The following QTMAN variants were observed in gnomAD, a reference collection of about 807,000 sequenced individuals.
The protein encoded by QTMAN is queuosine-tRNA mannosyltransferase.
At chr2:144,121,536 A>G in the QTMAN span, among the ~76,000 whole-genome samples, 28 of 152,254 alleles carry the variant, frequency 1.8e-4, no homozygotes, top group Non-Finnish European at 3.7e-4. Context: ...TCTACCATAC[A>G]CTACCCTCTG....
chr2:144,319,647 A>G, the QTMAN span: 3 of 152,112 alleles, frequency 2.0e-5, no homozygotes, highest in South Asian at 6.2e-4. Context: ...CCAGTCATCC[A>G]AAGAATATGC....
the QTMAN span, chr2:144,128,131 T>C: frequency 2.0e-5 from 3 of 152,050 alleles, no homozygotes; most frequent in Non-Finnish European, 2.9e-5. Flanking sequence ...ATAAATAATT[T>C]ATATAAAACT....
chr2:144,237,473 T>C, the QTMAN span: 1 of 152,162 alleles, frequency 6.6e-6, no homozygotes, highest in Non-Finnish European at 1.5e-5. Context: ...TTGTAGAATA[T>C]AAACCTGACA....
the QTMAN span, among the ~76,000 whole-genome samples, chr2:143,997,769 A>T: frequency 1.6e-3 from 249 of 152,178 alleles, no homozygotes; most frequent in African/African-American, 5.8e-3. Context: ...AGATTTTTTT[A>T]AACCTAGGAA....
the QTMAN span, among the ~76,000 whole-genome samples, chr2:144,326,628 C>T: frequency 2.8e-4 from 42 of 150,198 alleles, no homozygotes; most frequent in Admixed American, 1.4e-3. Context: ...CCAGTACTAA[C>T]GATGGCAATG....
the QTMAN span, chr2:144,332,464 C>T: frequency 6.8e-6 from 1 of 147,996 alleles, no homozygotes; most frequent in African/African-American, 2.4e-5. Flanking sequence ...CTCCTTGTCT[C>T]TCCCTCCTGG....
chr2:143,980,142 A>G, the QTMAN span, among the ~76,000 whole-genome samples: 1 of 152,138 alleles, frequency 6.6e-6, no homozygotes, highest in East Asian at 1.9e-4. Flanking sequence ...CTAGGTATTA[A>G]TCCCGGCATC....
the QTMAN span, among the ~76,000 whole-genome samples, chr2:144,214,249 C>CA: frequency 6.6e-6 from 1 of 152,034 alleles, no homozygotes; most frequent in African/African-American, 2.4e-5. Flanking sequence ...ATATATTCTA[C>CA]AAAAAAGTTA....
At chr2:144,261,453 G>A in the QTMAN span, among the ~76,000 whole-genome samples, 1 of 152,044 alleles carries the variant, frequency 6.6e-6, no homozygotes, top group African/African-American at 2.4e-5. Context: ...CTCTGAAATG[G>A]GGGAAAGCCC....
chr2:144,280,386 A>C, the QTMAN span, among the ~76,000 whole-genome samples: 1 of 152,232 alleles, frequency 6.6e-6, no homozygotes, highest in African/African-American at 2.4e-5. Context: ...TCCTAAAGCC[A>C]AAACACCACC....
At chr2:144,091,056 A>C in the QTMAN span, among the ~76,000 whole-genome samples, 1 of 151,994 alleles carries the variant, frequency 6.6e-6, no homozygotes, top group Non-Finnish European at 1.5e-5. Context: ...CACACACTCC[A>C]TTGATTTTCA....
chr2:143,966,880 C>T, the QTMAN span, among the ~76,000 whole-genome samples: 1 of 152,206 alleles, frequency 6.6e-6, no homozygotes, highest in Non-Finnish European at 1.5e-5. Context: ...TCAGAAAGGG[C>T]AGTAAAACTT....
chr2:144,237,808 T>C, the QTMAN span, among the ~76,000 whole-genome samples: 2 of 152,168 alleles, frequency 1.3e-5, no homozygotes, highest in Admixed American at 1.3e-4. Flanking sequence ...TGACAGTGTC[T>C]GTCCTAAAAG....
At chr2:143,987,173 C>T in the QTMAN span, among the ~76,000 whole-genome samples, 2 of 152,160 alleles carry the variant, frequency 1.3e-5, no homozygotes. Context: ...AGAGCTCTTT[C>T]TATGACCTCA....
At chr2:144,040,319 G>T in the QTMAN span, among the ~76,000 whole-genome samples, 1 of 151,932 alleles carries the variant, frequency 6.6e-6, no homozygotes, top group Admixed American at 6.6e-5. Flanking sequence ...GTACCCTCAT[G>T]ATTGTCTTAC....
the QTMAN span, among the ~76,000 whole-genome samples, chr2:144,213,522 A>G: frequency 6.6e-6 from 1 of 152,192 alleles, no homozygotes; most frequent in Non-Finnish European, 1.5e-5. Flanking sequence ...CCAAACACCC[A>G]GTAATAATTT....
chr2:144,206,106 A>G, the QTMAN span, among the ~76,000 whole-genome samples: 4 of 152,346 alleles, frequency 2.6e-5, no homozygotes, highest in East Asian at 7.7e-4. Context: ...TCAGAGAGTA[A>G]GCTTATAATA....
At chr2:144,095,415 G>A in the QTMAN span, among the ~76,000 whole-genome samples, 1 of 152,054 alleles carries the variant, frequency 6.6e-6, no homozygotes, top group Non-Finnish European at 1.5e-5. Flanking sequence ...CACACTCTAA[G>A]TCATTCTAAT....
chr2:144,015,550 GT>G, the QTMAN span, among the ~76,000 whole-genome samples: 2 of 151,884 alleles, frequency 1.3e-5, no homozygotes, highest in African/African-American at 2.4e-5. Context: ...TGGGCTCTCT[GT>G]TATTGGTCTT....
Sources: gnomAD v4.1 joint callset for allele counts (sites outside exome capture counted in the v4.1 genomes callset) on GRCh38, gnomAD v4.1.1 for gene constraint, MANE v1.5 for transcripts, NCBI Gene and HGNC (gene_info 2026-07-23, HGNC 2026-07-21) for gene names.